PCDH15: variants seen among roughly 807,000 people sequenced by gnomAD.
PCDH15 encodes the protein protocadherin related 15, also known as protocadherin-15.
A neutral mutation model predicts 178.5 loss-of-function variants in PCDH15; 129 were observed. The ratio of observed to expected loss-of-function variants is 0.72; its 90% confidence interval spans 0.63 to 0.84. PCDH15 has a LOEUF of 0.84. PCDH15 is among the 40% of genes least tolerant of loss of function. PCDH15 has a pLI of 0.00. For missense variants in PCDH15, 2,230 were observed against 2,099.9 expected (o/e 1.06, Z -1.21); for synonymous variants, 800 against 732.0 (o/e 1.09, Z -1.50).
chr10:55,220,554 T>A (rs544758797), intron 1 of PCDH15, among the ~76,000 whole-genome samples: 40 of 152,198 alleles, frequency 2.6e-4, no homozygotes, highest in African/African-American at 9.2e-4. Flanking sequence ...ACTTAGGCTA[T>A]GTGGTAAAGA....
At chr10:54,311,080 T>C (rs1219247750) in intron 8 of PCDH15, among the ~76,000 whole-genome samples, 1 of 152,068 alleles carries the variant, frequency 6.6e-6, no homozygotes, top group African/African-American at 2.4e-5. Flanking sequence ...GTTTTTGACA[T>C]GAAAGCTAGA....
At chr10:54,294,896 A>G (rs1216257937) in intron 8 of PCDH15, among the ~76,000 whole-genome samples, 4 of 152,348 alleles carry the variant, frequency 2.6e-5, no homozygotes, top group African/African-American at 9.6e-5. Flanking sequence ...AAATGAAACT[A>G]TATCTGAGAC....
intron 2 of PCDH15, among the ~76,000 whole-genome samples, chr10:55,439,016 T>C (rs951861450): frequency 4.5e-4 from 68 of 152,096 alleles, no homozygotes; most frequent in African/African-American, 1.5e-3. Context: ...CTCCCACCTC[T>C]GCCTCCCGAG....
chr10:54,145,108 T>C (rs867967755), intron 14 of PCDH15, among the ~76,000 whole-genome samples: 4 of 152,044 alleles, frequency 2.6e-5, no homozygotes, highest in African/African-American at 9.7e-5. Flanking sequence ...ATAACACTTA[T>C]TGTAAGAATA....
chr10:55,231,638 G>A (rs1035636107), intron 1 of PCDH15, among the ~76,000 whole-genome samples: 1 of 151,858 alleles, frequency 6.6e-6, no homozygotes, highest in Non-Finnish European at 1.5e-5. Context: ...ACAATTAAAT[G>A]GCATGATCAA....
At chr10:54,987,238 G>A (rs147514136) in intron 2 of PCDH15, among the ~76,000 whole-genome samples, 1,989 of 152,212 alleles carry the variant, frequency 0.013, 37 homozygotes, top group African/African-American at 0.045. Flanking sequence ...GGGTGTATGT[G>A]CCATATTTGC....
chr10:55,369,573 A>T (rs569488533), intron 2 of PCDH15, among the ~76,000 whole-genome samples: 37 of 152,238 alleles, frequency 2.4e-4, no homozygotes, highest in Middle Eastern at 3.4e-3. Flanking sequence ...AAATACATTA[A>T]CTAAAAATAT....
intron 9 of PCDH15, among the ~76,000 whole-genome samples, chr10:54,225,466 A>G (rs1192030527): frequency 6.6e-6 from 1 of 152,130 alleles, no homozygotes; most frequent in Non-Finnish European, 1.5e-5. Context: ...CGTCTCTCTG[A>G]TGTGTTCCTT....
intron 2 of PCDH15, among the ~76,000 whole-genome samples, chr10:55,150,480 G>A (rs1343730779): frequency 6.6e-6 from 1 of 152,052 alleles, no homozygotes; most frequent in Non-Finnish European, 1.5e-5. Flanking sequence ...CAAATATTGT[G>A]TATTTTATAG....
At chr10:54,760,322 G>T (rs1303060023) in intron 1 of PCDH15, among the ~76,000 whole-genome samples, 1 of 151,968 alleles carries the variant, frequency 6.6e-6, no homozygotes, top group East Asian at 1.9e-4. Context: ...TTAGCTCTTT[G>T]AATAACTGTT....
At chr10:55,394,816 C>T (rs975397522) in intron 2 of PCDH15, among the ~76,000 whole-genome samples, 2 of 151,974 alleles carry the variant, frequency 1.3e-5, no homozygotes, top group East Asian at 1.9e-4. Context: ...CAAACATCAA[C>T]AATTTTGTCT....
At chr10:54,590,838 C>T (rs1365590100) in intron 2 of PCDH15, among the ~76,000 whole-genome samples, 1 of 151,708 alleles carries the variant, frequency 6.6e-6, no homozygotes, top group Non-Finnish European at 1.5e-5. Flanking sequence ...CACAAGCTAA[C>T]AAACAAACTA....
intron 1 of PCDH15, among the ~76,000 whole-genome samples, chr10:55,252,814 C>A (rs1164481379): frequency 2.0e-5 from 3 of 152,022 alleles, no homozygotes; most frequent in Non-Finnish European, 4.4e-5. Flanking sequence ...CACACAAACA[C>A]ACACATTTAA....
intron 32 of PCDH15, chr10:53,822,241 G>C: frequency 6.2e-7 from 1 of 1,613,922 alleles, no homozygotes; most frequent in Non-Finnish European, 8.5e-7. Flanking sequence ...GAAGGAGGTG[G>C]AGGGCAAGGA....
At chr10:54,397,390 T>A (rs1352560640) in intron 3 of PCDH15, among the ~76,000 whole-genome samples, 2 of 152,070 alleles carry the variant, frequency 1.3e-5, no homozygotes, top group Non-Finnish European at 2.9e-5. Flanking sequence ...GGGAACAACC[T>A]TCCCTTCACT....
chr10:54,729,864 C>T (rs576070514), intron 1 of PCDH15, among the ~76,000 whole-genome samples: 4 of 151,590 alleles, frequency 2.6e-5, no homozygotes, highest in African/African-American at 9.6e-5. Context: ...TATCTTACAA[C>T]GCTCAGAATG....
At chr10:55,241,374 T>C (rs1383495565) in intron 1 of PCDH15, among the ~76,000 whole-genome samples, 2 of 152,178 alleles carry the variant, frequency 1.3e-5, no homozygotes, top group African/African-American at 4.8e-5. Flanking sequence ...AATTAAGTTA[T>C]TTTGAACCAC....
At chr10:54,676,034 G>A (rs187234504) in intron 1 of PCDH15, among the ~76,000 whole-genome samples, 1 of 152,142 alleles carries the variant, frequency 6.6e-6, no homozygotes, top group East Asian at 1.9e-4. Flanking sequence ...AAATTCTAAG[G>A]AAGTTCTATT....
At chr10:54,586,498 C>T (rs557151723) in intron 2 of PCDH15, among the ~76,000 whole-genome samples, 25 of 152,142 alleles carry the variant, frequency 1.6e-4, no homozygotes, top group African/African-American at 3.4e-4. Flanking sequence ...ATCTTTTTAA[C>T]GATCTTATAA....
Sources: gnomAD v4.1 joint callset for allele counts (sites outside exome capture counted in the v4.1 genomes callset) on GRCh38, gnomAD v4.1.1 for gene constraint, MANE v1.5 for transcripts, NCBI Gene and HGNC (gene_info 2026-07-23, HGNC 2026-07-21) for gene names.